STIL: variants seen among roughly 807,000 people sequenced by gnomAD.
STIL encodes STIL centriolar assembly protein, also known as SCL-interrupting locus protein.
Under a neutral mutation model 110.1 loss-of-function variants are expected in STIL, and 55 were observed. The ratio of observed to expected loss-of-function variants is 0.50; its 90% CI spans 0.40 to 0.63. The LOEUF (loss-of-function observed/expected upper bound fraction) is 0.63. STIL is among the 20% of genes least tolerant of loss of function. The pLI, the probability that STIL is intolerant of heterozygous loss-of-function variation, is 0.00. For synonymous variants in STIL, 481 were observed against 530.0 expected, an observed-to-expected ratio of 0.91 and a Z score of 1.27; for missense variants, 1,358 against 1,530.0, an observed-to-expected ratio of 0.89 and a Z score of 1.87.
intron 2 of STIL, among the ~76,000 whole-genome samples, chr1:47,309,580 C>T (rs981106671): frequency 2.0e-5 from 3 of 151,994 alleles, no homozygotes; most frequent in East Asian, 1.9e-4. Flanking sequence ...AGAATAAAGG[C>T]GACCCATGAA....
chr1:47,306,264 CTTTT>C (rs35382902), intron 2 of STIL, among the ~76,000 whole-genome samples: 33 of 139,170 alleles, frequency 2.4e-4, no homozygotes, highest in Non-Finnish European at 3.4e-4. Context: ...CTTTTCTTTC[CTTTT>C]TTTTTTTTTT....
intron 14 of STIL, among the ~76,000 whole-genome samples, chr1:47,264,499 C>A (rs768248013): frequency 6.6e-6 from 1 of 152,132 alleles, no homozygotes; most frequent in Non-Finnish European, 1.5e-5. Context: ...AAATATGGAT[C>A]ATTTTAAAAG....
Position 47,260,558 on chromosome 1 carries a change from A to AT in STIL, c.2830-20dup, listed in dbSNP as rs766314697. 6.2e-6 allele frequency: 10 copies of AT among 1,613,392 alleles called. No individual in the cohort carries two copies. In the African/African-American group the frequency reaches 6.7e-5, roughly 11 times the overall value. ...CTTGACCCTGACAAAAAGAAAAAAA[A>AT]TTTTTTTGAAAAATCACTATTAACA... On this transcript the variant is annotated intron_variant, in intron 15 of 16. Transcript: ENST00000371877.
rs746193059 is a variant in STIL, at chr1:47,304,982, C to A, written c.59G>T (p.Arg20Met). 6.2e-7 allele frequency: 1 copy of A among 1,613,676 alleles called. No homozygotes were observed. Among genetic ancestry groups the A allele is most frequent in the Non-Finnish European group, 8.5e-7 (1 of 1,179,834 alleles). Residue 20 changes from arginine to methionine, a missense_variant, in exon 3 of 17, where the codon AGG (arginine) becomes ATG (methionine). Arg to Met is a moderately conservative substitution (Grantham distance 91, BLOSUM62 -1). Coordinates refer to ENST00000371877, the MANE Select transcript of STIL (RefSeq NM_001048166.1). ...PQMNTRFPSSRMVPFHFPPSK... is the reference protein window; with the variant it reads ...PQMNTRFPSSMMVPFHFPPSK... ...TGGAGGAAAGTGGAAAGGTACCATC[C>A]TGCTTGAAGGAAACCTTTTGAAAAA...
intron 15 of STIL, among the ~76,000 whole-genome samples, chr1:47,261,956 G>A (rs1430840443): frequency 2.0e-5 from 3 of 151,824 alleles, no homozygotes; most frequent in Non-Finnish European, 4.4e-5. Flanking sequence ...TATTTTCGAG[G>A]ACTTATGCTA....
intron 14 of STIL, 138 bp downstream of exon 14, chr1:47,269,497 G>C: frequency 1.5e-6 from 1 of 662,464 alleles, no homozygotes; most frequent in East Asian, 2.7e-5. Context: ...TGATAGATTT[G>C]TTGGTCTGAT....
chr1:47,275,024 C>T (rs775658945), intron 12 of STIL, among the ~76,000 whole-genome samples: 58 of 151,770 alleles, frequency 3.8e-4, no homozygotes, highest in Non-Finnish European at 4.1e-4. Context: ...TGGTGGCACA[C>T]GGCTGCAATC....
chr1:47,298,131 T>C (rs1570251048), intron 6 of STIL, among the ~76,000 whole-genome samples: 1 of 152,320 alleles, frequency 6.6e-6, no homozygotes, highest in African/African-American at 2.4e-5. Context: ...CAGAATCTGG[T>C]TCTGAAGAGG....
intron 1 of STIL, 136 bp downstream of exon 1, chr1:47,313,900 G>T (rs1456705002): frequency 1.3e-5 from 2 of 152,416 alleles, no homozygotes; most frequent in East Asian, 3.9e-4. Flanking sequence ...TCTCCCACTA[G>T]CTCCCCTTCT....
At chr1:47,273,101 C>T (rs962340387) in intron 12 of STIL, among the ~76,000 whole-genome samples, 11 of 152,014 alleles carry the variant, frequency 7.2e-5, no homozygotes, top group East Asian at 1.9e-4. Flanking sequence ...AGAAAACCTG[C>T]GGCAAGGAAA....
chr1:47,265,797 A>AAG (rs1227157126), intron 14 of STIL, among the ~76,000 whole-genome samples: 16 of 150,978 alleles, frequency 1.1e-4, no homozygotes, highest in African/African-American at 3.9e-4. Context: ...AAAAAAAAAA[A>AAG]AAAAAAAAAG....
chr1:47,280,508 G>A lies in STIL; in HGVS notation c.1950C>T (p.Ala650=), dbSNP rs1476506806. The A allele has an allele frequency of 6.2e-7, 1 of 1,614,244 alleles. No individual in the cohort carries two copies. The highest frequency in any genetic ancestry group is 1.1e-5 in the South Asian group (1 of 91,088). The change falls in exon 12 of 17, where the codon GCC becomes GCT. Residue 650 remains alanine (A), a synonymous_variant. Coordinates refer to ENST00000371877, the MANE Select transcript of STIL (RefSeq NM_001048166.1). ...AAGAACAGAATGCATTACAGTACAG[G>A]GCTGGACATCCACTTGGGTGAAATA... ...HSLFHPSGCP[A]LYCNAFCSSS...
chr1:47,298,795 G>C (rs1050964437), intron 6 of STIL, among the ~76,000 whole-genome samples: 3 of 151,822 alleles, frequency 2.0e-5, no homozygotes, highest in African/African-American at 7.3e-5. Context: ...CCACACTGAA[G>C]TGCAATGGTG....
At chr1:47,261,047 TCAGAC>T (rs1644469298) in intron 15 of STIL, among the ~76,000 whole-genome samples, 1 of 152,126 alleles carries the variant, frequency 6.6e-6, no homozygotes, top group African/African-American at 2.4e-5. Context: ...AACAATTTCA[TCAGAC>T]CCTAGAGAAA....
Position 47,289,954 on chromosome 1 carries a change from A to C in STIL, c.873-369T>G, listed in dbSNP as rs1237954104. 4.6e-5 allele frequency among the ~76,000 whole-genome samples: 7 copies of C among 151,976 alleles called. No individual in the cohort carries two copies. In the South Asian group the frequency reaches 1.5e-3, roughly 32 times the overall value. On this transcript the variant is annotated intron_variant, in intron 8 of 16. Transcript: ENST00000371877. ...CTCCGTCTCCAAAAAAAAAAAAAAA[A>C]AAAAGGAATAAGAGAGCAATTCAAA...
intron 9 of STIL, among the ~76,000 whole-genome samples, chr1:47,289,061 C>CAAAAAAAAAA (rs371944423): frequency 6.0e-5 from 5 of 83,478 alleles, no homozygotes; most frequent in Non-Finnish European, 1.1e-4. Flanking sequence ...GATTCCATCT[C>CAAAAAAAAAA]AAAAAAAAAA....
At chr1:47,301,869 T>C (rs377090383) in intron 4 of STIL, 121 bp from the exon 5 acceptor site, 1 of 893,312 alleles carries the variant, frequency 1.1e-6, no homozygotes, top group Non-Finnish European at 1.8e-6. Flanking sequence ...AACTCTTAAA[T>C]ACTAAACTAA....
chr1:47,262,973 T>G lies in STIL; in HGVS notation c.2759A>C (p.Lys920Thr). The G allele has an allele frequency of 3.7e-6, 6 of 1,614,166 alleles. No homozygotes were observed. The highest frequency in any genetic ancestry group is 5.1e-6 in the Non-Finnish European group (6 of 1,180,024). The part of the protein sequence containing the change: ...SNNSETSEEP[K>T]IEHVMQPLLH... Reference sequence around the variant, plus strand: ...CAAGGGTTGCATTACATGCTCAATTTTTGGTTCCTCTGATGTTTCAGAATT... The same window carrying G: ...CAAGGGTTGCATTACATGCTCAATTGTTGGTTCCTCTGATGTTTCAGAATT... Residue 920 changes from lysine to threonine, a missense_variant, in exon 15 of 17, where the codon AAA becomes ACA. Transcript: ENST00000371877.
intron 12 of STIL, among the ~76,000 whole-genome samples, chr1:47,276,417 T>TATAC (rs748056988): frequency 2.0e-5 from 3 of 148,962 alleles, no homozygotes; most frequent in African/African-American, 7.7e-5. Context: ...TACATATACA[T>TATAC]ATATATATAT....
Sources: allele counts gnomAD v4.1 joint callset (sites outside exome capture counted in the v4.1 genomes callset), GRCh38; gene constraint gnomAD v4.1.1; transcripts MANE v1.5; gene names NCBI Gene and HGNC (gene_info 2026-07-23, HGNC 2026-07-21).